The following TMEM260 variants were observed in gnomAD, a reference collection of about 807,000 sequenced individuals.
TMEM260 encodes the protein protein O-mannosyl-transferase TMEM260.
TMEM260 carries 82 observed loss-of-function variants against 88.9 expected under a neutral mutation model. The ratio of observed to expected loss-of-function variants is 0.92; its 90% CI spans 0.77 to 1.11. The LOEUF (loss-of-function observed/expected upper bound fraction) is 1.11, where lower values mean the gene tolerates loss of function less well. TMEM260 is among the 50% of genes least tolerant of loss of function. The pLI is 0.00. For synonymous variants in TMEM260, 314 were observed against 309.3 expected, an observed-to-expected ratio of 1.02 and a Z score of -0.16; for missense variants, 902 against 853.4, an observed-to-expected ratio of 1.06 and a Z score of -0.71.
rs930153636 is a variant in TMEM260, at chr14:56,616,365, G to A, written c.941+338G>A. On this transcript the variant is annotated intron_variant, in intron 8 of 15. Coordinates refer to ENST00000261556, the MANE Select transcript of TMEM260 (RefSeq NM_017799.4). ...ATTCCTCTGATGATAAAAGTGATCC[G>A]ATGACAAAAGAAACCCTGAAAAATG... is the stretch of plus-strand genomic sequence containing the variant. 12 of 173,388 alleles carry A rather than the reference G, an allele frequency of 6.9e-5. No individual in the cohort carries two copies. The Admixed American group carries it at 7.2e-4, about 10-fold the overall frequency. 10.7% of individuals were successfully genotyped at this position (173,388 alleles called of 1,614,324 possible). A position where few individuals can be genotyped will look rare whatever the true frequency, so the allele number is the denominator to read the frequency against.
intron 14 of TMEM260, 76 bp from the exon 15 acceptor site, chr14:56,636,432 G>T: frequency 8.8e-7 from 1 of 1,137,400 alleles, no homozygotes; most frequent in Non-Finnish European, 1.3e-6. Flanking sequence ...CAGTGGAGAA[G>T]CCTGGAAGAT....
intron 15 of TMEM260, among the ~76,000 whole-genome samples, chr14:56,643,408 C>A (rs914069478): frequency 6.6e-6 from 1 of 152,092 alleles, no homozygotes; most frequent in Non-Finnish European, 1.5e-5. Flanking sequence ...AAGACAAAAA[C>A]CACATGATTA....
chr14:56,628,268 T>A (rs1307727845), intron 12 of TMEM260, among the ~76,000 whole-genome samples: 1 of 149,476 alleles, frequency 6.7e-6, no homozygotes, highest in Non-Finnish European at 1.5e-5. Context: ...GGGATTGAGT[T>A]GTTTTCTTAT....
intron 15 of TMEM260, among the ~76,000 whole-genome samples, chr14:56,646,125 A>T (rs1312541114): frequency 2.0e-5 from 3 of 152,148 alleles, no homozygotes; most frequent in Non-Finnish European, 4.4e-5. Context: ...AAAGGGAACT[A>T]AGGGGAAATT....
intron 3 of TMEM260, among the ~76,000 whole-genome samples, chr14:56,590,931 G>A (rs879251864): frequency 1.9e-4 from 29 of 152,164 alleles, no homozygotes; most frequent in African/African-American, 6.3e-4. Context: ...AGCAGCCCCC[G>A]CCTGCCAGTT....
chr14:56,637,938 G>C (rs1889240875), intron 15 of TMEM260, among the ~76,000 whole-genome samples: 3 of 152,146 alleles, frequency 2.0e-5, no homozygotes, highest in South Asian at 2.1e-4. Flanking sequence ...AGTGCTGTGA[G>C]AGGCACACAA....
intron 11 of TMEM260, among the ~76,000 whole-genome samples, chr14:56,625,030 C>T (rs953870305): frequency 2.0e-5 from 3 of 152,164 alleles, no homozygotes; most frequent in Non-Finnish European, 4.4e-5. Context: ...AATGCTGCCA[C>T]TGATCTGACA....
Position 56,647,651 on chromosome 14 carries a change from G to GTA in TMEM260, c.*156_*157dup. ...TGGTCCAGCAGTACTGTTTAATGGG[G>GTA]TATTCAGTGACTAAGGTCTGCTATT... On this transcript the variant is annotated 3_prime_UTR_variant, in exon 16 of 16. Transcript: ENST00000261556. The GTA allele has an allele frequency of 1.3e-6, 1 of 788,610 alleles. No individual in the cohort carries two copies. The highest frequency in any genetic ancestry group is 2.9e-5 in the East Asian group (1 of 34,468). 48.9% of individuals were successfully genotyped at this position (788,610 alleles called of 1,614,324 possible). A position where few individuals can be genotyped will look rare whatever the true frequency, so the allele number is the denominator to read the frequency against.
At chr14:56,610,522 G>A (rs575529343) in intron 6 of TMEM260, among the ~76,000 whole-genome samples, 14 of 152,286 alleles carry the variant, frequency 9.2e-5, no homozygotes, top group African/African-American at 3.4e-4. Flanking sequence ...GATTACAGGC[G>A]TGAGCCACCG....
chr14:56,600,222 A>G (rs1886490075), intron 3 of TMEM260, among the ~76,000 whole-genome samples: 1 of 152,198 alleles, frequency 6.6e-6, no homozygotes, highest in Non-Finnish European at 1.5e-5. Flanking sequence ...CGTATATCCT[A>G]TGTATGGACG....
At chr14:56,605,516 C>A in intron 4 of TMEM260, 54 bp from the exon 5 acceptor site, 1 of 1,016,576 alleles carries the variant, frequency 9.8e-7, no homozygotes, top group Non-Finnish European at 1.4e-6. Flanking sequence ...TTATTATGTT[C>A]TTAGAGTTTT....
chr14:56,603,807 G>C lies in TMEM260; in HGVS notation c.345-8G>C, dbSNP rs765320644. 2 of 1,613,686 alleles carry C rather than the reference G, an allele frequency of 1.2e-6. No individual in the cohort carries two copies. The highest frequency in any genetic ancestry group is 2.2e-5 in the South Asian group (2 of 91,074). On this transcript the variant is annotated splice_polypyrimidine_tract_variant and splice_region_variant and intron_variant, in intron 3 of 15. Transcript: ENST00000261556. The stretch of plus-strand genomic sequence containing the variant: ...GAAAAGAAGATTTCATGTTATCTGT[G>C]TTTGCAGGCTTTCTGGCTCATCTGC...
At chr14:56,636,350 G>C (rs1566572150) in intron 14 of TMEM260, among the ~76,000 whole-genome samples, 158 bp from the exon 15 acceptor site, 1 of 151,926 alleles carries the variant, frequency 6.6e-6, no homozygotes, top group Admixed American at 6.6e-5. Context: ...GATTGTTGTT[G>C]GTTCAGAGCA....
At chr14:56,630,798 C>T (rs2139620471) in intron 12 of TMEM260, among the ~76,000 whole-genome samples, 1 of 152,110 alleles carries the variant, frequency 6.6e-6, no homozygotes, top group African/African-American at 2.4e-5. Flanking sequence ...ATTTAAATCC[C>T]AAGGAGAATG....
At chr14:56,629,902 G>A (rs116208155) in intron 12 of TMEM260, among the ~76,000 whole-genome samples, 6 of 152,146 alleles carry the variant, frequency 3.9e-5, no homozygotes, top group Non-Finnish European at 5.9e-5. Context: ...TTAGCTGGAC[G>A]TGGTGGTACA....
chr14:56,641,909 CAAAG>C (rs372375441), intron 15 of TMEM260, among the ~76,000 whole-genome samples: 6,513 of 152,170 alleles, frequency 0.043, 204 homozygotes, highest in East Asian at 0.098. Flanking sequence ...TCAGAAGAGA[CAAAG>C]AAGGCCATTA....
intron 7 of TMEM260, chr14:56,612,699 C>CTT (rs375397623): frequency 7.2e-5 from 10 of 139,270 alleles, no homozygotes; most frequent in Admixed American, 2.9e-4. Flanking sequence ...TTTTCCCCAA[C>CTT]TTTTTTTTTT....
chr14:56,586,722 A>G lies in TMEM260; in HGVS notation c.344+810A>G, dbSNP rs765385634. The stretch of plus-strand genomic sequence containing the variant: ...ATTTCTGTAGGTAAATATAATTTGA[A>G]TAGGTACAATTTCAAATGTCTTTTT... On this transcript the variant is annotated intron_variant, in intron 3 of 15. Transcript: ENST00000261556. Among the ~76,000 whole-genome samples, 7 of 152,252 alleles carry G rather than the reference A, an allele frequency of 4.6e-5. No individual in the cohort carries two copies. The South Asian group carries it at 8.3e-4, about 18-fold the overall frequency.
chr14:56,662,955 C>G, the TMEM260 span, among the ~76,000 whole-genome samples: 29 of 152,186 alleles, frequency 1.9e-4, 1 homozygote, highest in African/African-American at 4.1e-4. Context: ...TGGAGAAACC[C>G]CCGTCTCTAC....
Sources: gnomAD v4.1 joint callset for allele counts (sites outside exome capture counted in the v4.1 genomes callset) on GRCh38, gnomAD v4.1.1 for gene constraint, MANE v1.5 for transcripts, NCBI Gene and HGNC (gene_info 2026-07-23, HGNC 2026-07-21) for gene names.